PHACTR3: variants seen among roughly 807,000 people sequenced by gnomAD.
The protein encoded by PHACTR3 is phosphatase and actin regulator 3.
In PHACTR3, 16 loss-of-function variants were observed where a neutral mutation model predicts 66.8. That is an observed-to-expected ratio of 0.24 (90% CI 0.16 to 0.36). The LOEUF is 0.36. Among genes scored for constraint, PHACTR3 ranks in the 10% least tolerant of loss-of-function variants. The probability of loss-of-function intolerance (pLI) is 1.00; values close to 1 mark genes in which losing one functional copy is unlikely to be tolerated. For synonymous variants in PHACTR3, 323 were observed against 292.1 expected (o/e 1.11, Z -1.08); for missense variants, 647 against 719.9 (o/e 0.90, Z 1.16).
chr20:59,728,568 GTTATTA>G (rs113368944), intron 1 of PHACTR3, among the ~76,000 whole-genome samples: 1 of 151,598 alleles, frequency 6.6e-6, no homozygotes, highest in Non-Finnish European at 1.5e-5. Flanking sequence ...ATTACCTTTT[GTTATTA>G]TTATTATTAT....
chr20:59,622,086 A>G (rs1352671458), intron 1 of PHACTR3, among the ~76,000 whole-genome samples: 1 of 150,828 alleles, frequency 6.6e-6, no homozygotes, highest in Non-Finnish European at 1.5e-5. Context: ...ATGTGTGTGT[A>G]TGTGCATGTA....
intron 8 of PHACTR3, among the ~76,000 whole-genome samples, chr20:59,810,854 T>C (rs1241535403): frequency 6.6e-6 from 1 of 152,096 alleles, no homozygotes; most frequent in African/African-American, 2.4e-5. Flanking sequence ...ATCAGCAGAG[T>C]ATGAGAGGCC....
intron 7 of PHACTR3, among the ~76,000 whole-genome samples, chr20:59,799,136 G>C (rs2041341087): frequency 6.6e-6 from 1 of 151,860 alleles, no homozygotes; most frequent in Non-Finnish European, 1.5e-5. Flanking sequence ...TTCCACTCTG[G>C]TCAGAGAACA....
At chr20:59,718,017 T>G (rs752656536) in intron 1 of PHACTR3, among the ~76,000 whole-genome samples, 1 of 152,222 alleles carries the variant, frequency 6.6e-6, no homozygotes, top group Non-Finnish European at 1.5e-5. Context: ...CTTGGGTTTG[T>G]AGTTTCCTCA....
At chr20:59,764,302 A>T (rs1373671760) in intron 4 of PHACTR3, among the ~76,000 whole-genome samples, 1 of 149,750 alleles carries the variant, frequency 6.7e-6, no homozygotes, top group Non-Finnish European at 1.5e-5. Context: ...GTATGAGGAC[A>T]CTGACCCCAG....
At chr20:59,723,506 A>G (rs1020382797) in intron 1 of PHACTR3, among the ~76,000 whole-genome samples, 2 of 152,058 alleles carry the variant, frequency 1.3e-5, no homozygotes, top group South Asian at 2.1e-4. Context: ...TCATCCGTTG[A>G]TGGGCATTTG....
intron 1 of PHACTR3, among the ~76,000 whole-genome samples, chr20:59,713,075 C>T (rs2146652037): frequency 6.6e-6 from 1 of 152,358 alleles, no homozygotes; most frequent in South Asian, 2.1e-4. Flanking sequence ...TTTCTCACAA[C>T]ACGGTCTAGG....
At chr20:59,788,623 T>C (rs1182512) in intron 7 of PHACTR3, among the ~76,000 whole-genome samples, 147,916 of 152,220 alleles carry the variant, frequency 0.97, 71,897 homozygotes, top group Middle Eastern at 1. Context: ...TGTCCCCATA[T>C]GTGGATCGTC....
At chr20:59,691,646 A>G (rs1167665294) in intron 1 of PHACTR3, among the ~76,000 whole-genome samples, 3 of 152,106 alleles carry the variant, frequency 2.0e-5, no homozygotes, top group African/African-American at 7.2e-5. Flanking sequence ...TATTTTTTAT[A>G]TAAATTTTAT....
chr20:59,582,093 C>T (rs548463573), intron 1 of PHACTR3, among the ~76,000 whole-genome samples: 5 of 152,338 alleles, frequency 3.3e-5, no homozygotes, highest in South Asian at 4.1e-4. Context: ...AGGCTCAAAT[C>T]CCTCTGGAAC....
intron 8 of PHACTR3, among the ~76,000 whole-genome samples, chr20:59,817,747 C>T (rs544281944): frequency 1.8e-4 from 28 of 152,322 alleles, no homozygotes; most frequent in African/African-American, 6.3e-4. Flanking sequence ...CAAGAGAAAC[C>T]GAAGATTTGA....
chr20:59,778,230 G>T (rs1308574634), intron 7 of PHACTR3, among the ~76,000 whole-genome samples: 4 of 152,150 alleles, frequency 2.6e-5, no homozygotes, highest in Admixed American at 1.3e-4. Flanking sequence ...CAGGACCAGG[G>T]TCTCATAGAA....
At chr20:59,717,363 C>T (rs2038129090) in intron 1 of PHACTR3, among the ~76,000 whole-genome samples, 1 of 152,188 alleles carries the variant, frequency 6.6e-6, no homozygotes, top group South Asian at 2.1e-4. Flanking sequence ...TCAATTTTCC[C>T]CCAGTGCTAA....
In PHACTR3 at chr20:59,805,308, G is replaced by A. The variant is rs79047276; in HGVS notation, c.1175-733G>A. Among the ~76,000 whole-genome samples, 72 of 152,214 alleles carry A rather than the reference G, an allele frequency of 4.7e-4. 1 individual carries two copies. The highest frequency in any genetic ancestry group is 3.4e-3 in the Middle Eastern group (1 of 294). On this transcript the variant is annotated intron_variant, in intron 7 of 12. Transcript: ENST00000371015. ...CTAGCAGACCTGGAGTCAGCCCACC[G>A]TTAAGTTCACGCAACAGTATTCACC...
chr20:59,753,391 G>T (rs574533270), intron 3 of PHACTR3, among the ~76,000 whole-genome samples: 5 of 152,180 alleles, frequency 3.3e-5, no homozygotes, highest in Non-Finnish European at 7.4e-5. Context: ...GATCAGCAGC[G>T]ATGACAAGCT....
intron 1 of PHACTR3, among the ~76,000 whole-genome samples, chr20:59,671,534 T>C (rs989260880): frequency 6.6e-6 from 1 of 152,178 alleles, no homozygotes; most frequent in East Asian, 1.9e-4. Flanking sequence ...TTGAACACAG[T>C]GTTTGTGTGT....
At chr20:59,603,683 G>GTTGT (rs373386658), upstream of PHACTR3, 5,141 of 152,290 alleles carry the variant, frequency 0.034, 110 homozygotes, top group Middle Eastern at 0.078. Flanking sequence ...GCCCCATGGG[G>GTTGT]TTGAGAAATT....
At chr20:59,683,538 C>G (rs1375772195) in intron 1 of PHACTR3, among the ~76,000 whole-genome samples, 1 of 149,852 alleles carries the variant, frequency 6.7e-6, no homozygotes, top group African/African-American at 2.5e-5. Flanking sequence ...CTATGTTGCA[C>G]TTTTAAGTAG....
Position 59,604,998 on chromosome 20 carries a change from C to A in PHACTR3, c.-17C>A. The A allele has an allele frequency of 7.7e-7, 1 of 1,304,348 alleles. No individual in the cohort carries two copies. The highest frequency in any genetic ancestry group is 2.3e-5 in the South Asian group (1 of 43,120). 80.8% of individuals were successfully genotyped at this position (1,304,348 alleles called of 1,614,324 possible). ...CCACGCGGCTCGCTCTAACTTGCCCCCGCGCCGGCCGGGCCCATGGCCGCG... is the reference window on the plus strand; with the variant it reads ...CCACGCGGCTCGCTCTAACTTGCCCACGCGCCGGCCGGGCCCATGGCCGCG... On this transcript the variant is annotated 5_prime_UTR_variant, in exon 1 of 13. Transcript: ENST00000371015.
Sources: gnomAD v4.1 joint callset for allele counts (sites outside exome capture counted in the v4.1 genomes callset) on GRCh38, gnomAD v4.1.1 for gene constraint, MANE v1.5 for transcripts, NCBI Gene and HGNC (gene_info 2026-07-23, HGNC 2026-07-21) for gene names.